Variants in MYRIP observed in about 807,000 individuals in gnomAD.
MYRIP encodes myosin VIIA and Rab interacting protein, also known as rab effector MyRIP.
A neutral mutation model predicts 98.0 loss-of-function variants in MYRIP; 49 were observed. The observed-to-expected ratio is 0.50, with a 90% CI of 0.40 to 0.63. The LOEUF is 0.63. Among genes scored for constraint, MYRIP ranks in the 30% least tolerant of loss-of-function variants. MYRIP has a pLI of 0.00. For missense variants in MYRIP, 1,004 were observed against 1,058.2 expected, an observed-to-expected ratio of 0.95 and a Z score of 0.71; for synonymous variants, 404 against 409.5, an observed-to-expected ratio of 0.99 and a Z score of 0.16.
intron 10 of MYRIP, among the ~76,000 whole-genome samples, chr3:40,204,137 TA>T (rs1951711301): frequency 3.6e-5 from 1 of 28,150 alleles, no homozygotes; most frequent in African/African-American, 8.6e-5. Context: ...TTATATAATA[TA>T]TTATATAATA....
At chr3:40,110,075 G>C (rs1033049496) in intron 3 of MYRIP, among the ~76,000 whole-genome samples, 4 of 152,198 alleles carry the variant, frequency 2.6e-5, no homozygotes, top group Non-Finnish European at 4.4e-5. Flanking sequence ...CTTACAGCCT[G>C]TTACCTCATT....
chr3:40,003,174 T>C (rs1946560214), intron 2 of MYRIP, among the ~76,000 whole-genome samples: 1 of 152,064 alleles, frequency 6.6e-6, no homozygotes. Flanking sequence ...TACAGATAGA[T>C]ATAAATACAT....
chr3:40,243,903 A>G (rs916400694), intron 12 of MYRIP, among the ~76,000 whole-genome samples: 1 of 152,238 alleles, frequency 6.6e-6, no homozygotes, highest in Admixed American at 6.5e-5. Flanking sequence ...ATTTTCTAAG[A>G]AATATTTTTC....
At chr3:40,247,136 A>ATAAT (rs1187057573) in intron 13 of MYRIP, among the ~76,000 whole-genome samples, 1 of 152,148 alleles carries the variant, frequency 6.6e-6, no homozygotes, top group Non-Finnish European at 1.5e-5. Flanking sequence ...ATTTTATTGG[A>ATAAT]TAATTATTCC....
intron 2 of MYRIP, among the ~76,000 whole-genome samples, chr3:39,989,117 GT>G (rs949562410): frequency 2.0e-4 from 31 of 151,934 alleles, no homozygotes; most frequent in African/African-American, 7.5e-4. Context: ...GATTTTCAGC[GT>G]TTTTTTCGTT....
intron 9 of MYRIP, among the ~76,000 whole-genome samples, chr3:40,183,398 C>T (rs1327231855): frequency 6.6e-6 from 1 of 152,206 alleles, no homozygotes; most frequent in Admixed American, 6.5e-5. Flanking sequence ...AGTCAGCTTG[C>T]CTCTTTAGAG....
At chr3:40,257,179 C>G (rs1415962620) in intron 16 of MYRIP, among the ~76,000 whole-genome samples, 1 of 152,044 alleles carries the variant, frequency 6.6e-6, no homozygotes, top group Admixed American at 6.6e-5. Context: ...AAAAAGTTAG[C>G]CAGTCATGGT....
In MYRIP at chr3:39,927,179, T is replaced by C. The variant is rs182044881; in HGVS notation, c.110+26253T>C. 6.6e-5 allele frequency among the ~76,000 whole-genome samples: 10 copies of C among 152,246 alleles called. No individual in the cohort carries two copies. In the East Asian group the frequency reaches 9.6e-4, roughly 15 times the overall value. On this transcript the variant is annotated intron_variant, in intron 2 of 16. Coordinates refer to ENST00000302541, the MANE Select transcript of MYRIP (RefSeq NM_015460.4). ...CTGATTTTTGTGCGTTGATTTTGTA[T>C]CCTGAAACTTTCCTGAACTTATTTA...
intron 11 of MYRIP, among the ~76,000 whole-genome samples, chr3:40,220,524 TAATC>T: frequency 6.6e-6 from 1 of 152,318 alleles, no homozygotes; most frequent in Non-Finnish European, 1.5e-5. Context: ...GAACTTATGT[TAATC>T]AAAACCATAA....
intron 2 of MYRIP, among the ~76,000 whole-genome samples, chr3:40,033,646 C>A (rs1316537935): frequency 6.6e-6 from 1 of 152,098 alleles, no homozygotes; most frequent in African/African-American, 2.4e-5. Flanking sequence ...CCATACTGCC[C>A]AAGGTAATTT....
chr3:39,811,075 G>A (rs1940670448), intron 1 of MYRIP, among the ~76,000 whole-genome samples: 1 of 152,154 alleles, frequency 6.6e-6, no homozygotes, highest in African/African-American at 2.4e-5. Flanking sequence ...GGTCCTTTGA[G>A]GTGGCTCCAG....
intron 2 of MYRIP, among the ~76,000 whole-genome samples, chr3:39,973,128 C>G (rs941031419): frequency 9.2e-5 from 14 of 151,918 alleles, no homozygotes; most frequent in African/African-American, 3.1e-4. Flanking sequence ...AGAGTCAAGA[C>G]CCATCAGGGT....
intron 1 of MYRIP, among the ~76,000 whole-genome samples, chr3:39,855,919 G>T (rs1475226100): frequency 1.3e-5 from 2 of 152,178 alleles, no homozygotes; most frequent in African/African-American, 4.8e-5. Flanking sequence ...CAATTCTGCT[G>T]GCTGCCTTCT....
chr3:40,232,673 A>C (rs17076948), intron 11 of MYRIP, among the ~76,000 whole-genome samples: 2,479 of 152,304 alleles, frequency 0.016, 50 homozygotes, highest in African/African-American at 0.055. Flanking sequence ...AGCAACAGTG[A>C]TCTCCAGCTT....
chr3:40,216,005 TAGGGA>T (rs1952108635), intron 11 of MYRIP, among the ~76,000 whole-genome samples: 1 of 152,214 alleles, frequency 6.6e-6, no homozygotes, highest in Admixed American at 6.5e-5. Flanking sequence ...AACTGTGTCC[TAGGGA>T]AGGGCCTGCC....
intron 3 of MYRIP, among the ~76,000 whole-genome samples, chr3:40,143,492 C>A (rs146305891): frequency 6.6e-6 from 1 of 152,236 alleles, no homozygotes; most frequent in Non-Finnish European, 1.5e-5. Flanking sequence ...TTTAAATAAA[C>A]GCAATAAAAT....
intron 1 of MYRIP, among the ~76,000 whole-genome samples, chr3:39,870,489 G>A (rs1942753663): frequency 6.6e-6 from 1 of 152,078 alleles, no homozygotes; most frequent in Non-Finnish European, 1.5e-5. Context: ...TTTTCTTCTG[G>A]CTATAGAACT....
rs115036296 is a variant in MYRIP, at chr3:40,020,369, T to C, written c.111-23681T>C. 5.4e-3 allele frequency among the ~76,000 whole-genome samples: 828 copies of C among 152,370 alleles called. 8 individuals carry two copies. The highest frequency in any genetic ancestry group is 0.019 in the African/African-American group (778 of 41,586). On this transcript the variant is annotated intron_variant, in intron 2 of 16. Coordinates refer to ENST00000302541, the MANE Select transcript of MYRIP (RefSeq NM_015460.4). ...CAGCTGTTTAAGTTACTTGATTGTA[T>C]TTATTTCTAGAAATAGAATTCATAC...
In MYRIP at chr3:39,915,758, C is replaced by CA. The variant is rs10595634; in HGVS notation, c.110+14844dup. Among the ~76,000 whole-genome samples the CA allele has an allele frequency of 2.1e-3, 304 of 144,170 alleles. 6 individuals are homozygous for CA. In the South Asian group the frequency reaches 0.037, roughly 18 times the overall value. The allele number at this position is 144,170 out of a possible 152,430, so 94.6% of individuals were successfully genotyped here. On this transcript the variant is annotated intron_variant, in intron 2 of 16. Coordinates refer to ENST00000302541, the MANE Select transcript of MYRIP (RefSeq NM_015460.4). The stretch of plus-strand genomic sequence containing the variant: ...ATTATTAGATAGGTCAATGCCAGGC[C>CA]AAAAAAAAAAAATGACATCTGAGAC...
Sources: gnomAD v4.1 joint callset for allele counts (sites outside exome capture counted in the v4.1 genomes callset) on GRCh38, gnomAD v4.1.1 for gene constraint, MANE v1.5 for transcripts, NCBI Gene and HGNC (gene_info 2026-07-23, HGNC 2026-07-21) for gene names.